Variants in DACH1 observed in about 807,000 individuals in gnomAD.
DACH1 encodes the protein dachshund family transcription factor 1.
A neutral mutation model predicts 54.2 loss-of-function variants in DACH1; 12 were observed. That is an observed-to-expected ratio of 0.22 (90% CI 0.14 to 0.36). The LOEUF (loss-of-function observed/expected upper bound fraction) is 0.36. Among genes scored for constraint, DACH1 ranks in the 10% least tolerant of loss-of-function variants. The pLI, the probability that DACH1 is intolerant of heterozygous loss-of-function variation, is 1.00. For missense variants in DACH1, 805 were observed against 929.8 expected, an observed-to-expected ratio of 0.87 and a Z score of 1.75; for synonymous variants, 386 against 366.2, an observed-to-expected ratio of 1.05 and a Z score of -0.62.
intron 10 of DACH1, among the ~76,000 whole-genome samples, chr13:71,455,140 T>G (rs1397829988): frequency 6.6e-6 from 1 of 152,202 alleles, no homozygotes; most frequent in Admixed American, 6.5e-5. Flanking sequence ...GAACATTTAT[T>G]GTTCTTAATG....
At chr13:71,475,906 TAATTTCCA>T (rs1877483272) in intron 8 of DACH1, 57 bp from the exon 9 acceptor site, 1 of 1,254,088 alleles carries the variant, frequency 8.0e-7, no homozygotes, top group Admixed American at 2.9e-5. Context: ...ATAATGCTGC[TAATTTCCA>T]AATGGTCTAT....
At chr13:71,828,375 T>G (rs1290241913) in intron 1 of DACH1, among the ~76,000 whole-genome samples, 1 of 151,998 alleles carries the variant, frequency 6.6e-6, no homozygotes, top group East Asian at 1.9e-4. Context: ...TTCCTGACCT[T>G]AAGTGAGTTC....
intron 3 of DACH1, among the ~76,000 whole-genome samples, chr13:71,629,157 C>A (rs1449082678): frequency 1.3e-5 from 2 of 152,088 alleles, no homozygotes; most frequent in African/African-American, 2.4e-5. Flanking sequence ...TGCTTCAATT[C>A]TGTTTTAATT....
chr13:71,637,716 C>T (rs573483424), intron 2 of DACH1, among the ~76,000 whole-genome samples: 13 of 152,178 alleles, frequency 8.5e-5, no homozygotes, highest in African/African-American at 1.4e-4. Flanking sequence ...TTTATTAAAA[C>T]GGCCTTTAAA....
At chr13:71,675,346 G>A in intron 2 of DACH1, 2 of 1,538,056 alleles carry the variant, frequency 1.3e-6, no homozygotes, top group South Asian at 1.1e-5. Context: ...TGCTTTGCAG[G>A]AGGCAAGTGA....
chr13:71,751,064 G>C (rs1275033393), intron 1 of DACH1, among the ~76,000 whole-genome samples: 1 of 152,212 alleles, frequency 6.6e-6, no homozygotes, highest in Non-Finnish European at 1.5e-5. Flanking sequence ...ATAAATGGCA[G>C]TCAGATGTTT....
intron 1 of DACH1, among the ~76,000 whole-genome samples, chr13:71,775,092 C>CT (rs1210457121): frequency 7.1e-6 from 1 of 139,994 alleles, no homozygotes; most frequent in African/African-American, 2.7e-5. Context: ...CGAGACCAGC[C>CT]TGGGCAACAG....
intron 6 of DACH1, among the ~76,000 whole-genome samples, chr13:71,541,057 T>A (rs1329069601): frequency 1.3e-5 from 2 of 151,968 alleles, no homozygotes; most frequent in Non-Finnish European, 2.9e-5. Flanking sequence ...GAGAAATAAA[T>A]ATTATGTAAT....
At chr13:71,544,895 T>G (rs1305491111) in intron 6 of DACH1, among the ~76,000 whole-genome samples, 1 of 151,992 alleles carries the variant, frequency 6.6e-6, no homozygotes, top group Non-Finnish European at 1.5e-5. Context: ...GATTACTTAA[T>G]TAAACAACCC....
At chr13:71,734,800 G>C (rs1397823467) in intron 1 of DACH1, among the ~76,000 whole-genome samples, 1 of 37,472 alleles carries the variant, frequency 2.7e-5, no homozygotes, top group African/African-American at 4.8e-5. Flanking sequence ...TCCCATATAC[G>C]TATACCCCAT....
intron 6 of DACH1, among the ~76,000 whole-genome samples, chr13:71,509,529 T>A (rs1880597678): frequency 6.6e-6 from 1 of 152,048 alleles, no homozygotes; most frequent in African/African-American, 2.4e-5. Context: ...AAAGAGGTGG[T>A]AAAAATATAA....
chr13:71,837,121 T>C (rs188751531), intron 1 of DACH1, among the ~76,000 whole-genome samples: 2 of 147,042 alleles, frequency 1.4e-5, no homozygotes, highest in Admixed American at 1.3e-4. Context: ...TTATTCTCAT[T>C]TTTTAAGGTA....
chr13:71,751,811 AAT>A (rs775497846), intron 1 of DACH1, among the ~76,000 whole-genome samples: 1 of 152,182 alleles, frequency 6.6e-6, no homozygotes, highest in African/African-American at 2.4e-5. Context: ...AACTAAGCCA[AAT>A]ATGTCACTGA....
chr13:71,642,522 CT>C lies in DACH1; in HGVS notation c.965-11806del, dbSNP rs548643642. 2.6e-5 allele frequency among the ~76,000 whole-genome samples: 4 copies of C among 152,280 alleles called. No individual in the cohort carries two copies. In the South Asian group the frequency reaches 8.3e-4, roughly 32 times the overall value. On this transcript the variant is annotated intron_variant, in intron 2 of 10. Coordinates refer to ENST00000613252, the MANE Select transcript of DACH1 (RefSeq NM_080759.6). ...TGGATGGATTTGAGATTCTTTTTAA[CT>C]TTTCCAAAAAATGTTCAAAAGAACA...
chr13:71,638,757 G>A (rs1877685638), intron 2 of DACH1, among the ~76,000 whole-genome samples: 1 of 152,100 alleles, frequency 6.6e-6, no homozygotes, highest in Admixed American at 6.6e-5. Flanking sequence ...TTTAAAATTA[G>A]CTCAGGCATT....
At chr13:71,815,909 C>T (rs893593065) in intron 1 of DACH1, among the ~76,000 whole-genome samples, 2 of 151,764 alleles carry the variant, frequency 1.3e-5, no homozygotes, top group African/African-American at 4.8e-5. Flanking sequence ...CACGGTGAAA[C>T]CCCGTCTCTA....
chr13:71,777,928 G>A (rs954875453), intron 1 of DACH1, among the ~76,000 whole-genome samples: 3 of 151,692 alleles, frequency 2.0e-5, no homozygotes, highest in Non-Finnish European at 2.9e-5. Flanking sequence ...ACCAGCCTGG[G>A]TAAAATGGTA....
intron 1 of DACH1, among the ~76,000 whole-genome samples, chr13:71,838,402 G>A (rs753826268): frequency 6.6e-6 from 1 of 152,100 alleles, no homozygotes; most frequent in Non-Finnish European, 1.5e-5. Context: ...TTATAAGTGT[G>A]TTCTCTTATT....
intron 2 of DACH1, among the ~76,000 whole-genome samples, chr13:71,666,721 C>T (rs897215423): frequency 6.6e-6 from 1 of 152,160 alleles, no homozygotes; most frequent in Admixed American, 6.5e-5. Context: ...GTGGCTCACG[C>T]CTGTAATCCC....
Sources: allele counts gnomAD v4.1 joint callset (sites outside exome capture counted in the v4.1 genomes callset), GRCh38; gene constraint gnomAD v4.1.1; transcripts MANE v1.5; gene names NCBI Gene and HGNC (gene_info 2026-07-23, HGNC 2026-07-21).